The following ALDH3B2 variants were observed in gnomAD, a reference collection of about 807,000 sequenced individuals.
ALDH3B2 encodes aldehyde dehydrogenase family 3 member B2.
Under a neutral mutation model 36.7 loss-of-function variants are expected in ALDH3B2, and 45 were observed. That is an observed-to-expected ratio of 1.23 (90% CI 0.97 to 1.57). The LOEUF is 1.57. Among genes scored for constraint, ALDH3B2 ranks in the 40% most tolerant of loss-of-function variants. ALDH3B2 has a pLI of 0.00. For missense variants in ALDH3B2, 464 were observed against 513.3 expected, an observed-to-expected ratio of 0.90 and a Z score of 0.93; for synonymous variants, 217 against 226.5, an observed-to-expected ratio of 0.96 and a Z score of 0.38.
exon 10 of ALDH3B2, chr11:67,663,070 A>T: frequency 9.8e-7 from 1 of 1,020,072 alleles, no homozygotes; most frequent in Non-Finnish European, 1.4e-6. Context: ...CAGCCCTGGC[A>T]GGCAGGATGC....
chr11:67,675,075 G>T (rs1360150431), upstream of ALDH3B2, among the ~76,000 whole-genome samples: 4 of 152,148 alleles, frequency 2.6e-5, no homozygotes, highest in South Asian at 8.3e-4. Context: ...ATGAGCAACT[G>T]TGGCTCTATT....
chr11:67,668,628 A>ATG lies in ALDH3B2; in HGVS notation c.-244-995_-244-994dup, dbSNP rs973454259. On this transcript the variant is annotated intron_variant, in intron 1 of 9. Transcript: ENST00000349015. ...TATAGCTTTGTGTCTTTGTGTGTCT[A>ATG]TGTGTGTGTGTGTGTATGGCTGTCT... 2.0e-4 allele frequency among the ~76,000 whole-genome samples: 29 copies of ATG among 141,686 alleles called. No homozygotes were observed. In the East Asian group the frequency reaches 2.3e-3, roughly 11 times the overall value. 93.0% of individuals were successfully genotyped at this position (141,686 alleles called of 152,430 possible). A position where few individuals can be genotyped will look rare whatever the true frequency, so the allele number is the denominator to read the frequency against.
chr11:67,663,579 G>A, intron 9 of ALDH3B2, 83 bp downstream of exon 9: 2 of 1,433,144 alleles, frequency 1.4e-6, no homozygotes, highest in Admixed American at 3.9e-5. Flanking sequence ...GTGGATCAAG[G>A]TTGAACAGTG....
At chr11:67,676,442 G>T (rs1856273799), upstream of ALDH3B2, among the ~76,000 whole-genome samples, 1 of 151,908 alleles carries the variant, frequency 6.6e-6, no homozygotes, top group Non-Finnish European at 1.5e-5. Context: ...CAAAACCTCT[G>T]GGATACAGCT....
chr11:67,666,302 A>G lies in ALDH3B2; in HGVS notation c.237+14T>C, dbSNP rs758236388. 178 of 1,609,670 alleles carry G rather than the reference A, an allele frequency of 1.1e-4. No individual in the cohort carries two copies. The highest frequency in any genetic ancestry group is 1.4e-4 in the Non-Finnish European group (164 of 1,177,918). ...TGGGGACGTCGGGCACTGCTGGGGCAGGGCCACCCTCACCTGGTCCAGGTA... is the reference window on the plus strand; with the variant it reads ...TGGGGACGTCGGGCACTGCTGGGGCGGGGCCACCCTCACCTGGTCCAGGTA... On this transcript the variant is annotated intron_variant, in intron 5 of 9. Transcript: ENST00000349015.
chr11:67,678,451 C>T (rs1791758696), upstream of ALDH3B2, among the ~76,000 whole-genome samples: 1 of 152,102 alleles, frequency 6.6e-6, no homozygotes, highest in South Asian at 2.1e-4. Flanking sequence ...TCATCTCTCA[C>T]CTTACACAAA....
chr11:67,679,313 C>CA (rs552302513), upstream of ALDH3B2, among the ~76,000 whole-genome samples: 4 of 151,476 alleles, frequency 2.6e-5, no homozygotes, highest in African/African-American at 9.7e-5. Flanking sequence ...ACTAAAAATA[C>CA]AAAAAAAATT....
chr11:67,666,530 G>A, intron 4 of ALDH3B2, 44 bp downstream of exon 4: 1 of 1,612,258 alleles, frequency 6.2e-7, no homozygotes, highest in Non-Finnish European at 8.5e-7. Context: ...TTTGGGAGGG[G>A]CTACTGGGCG....
Position 67,665,828 on chromosome 11 carries a change from A to C in ALDH3B2, c.320-157T>G, listed in dbSNP as rs113306300. Among the ~76,000 whole-genome samples the C allele has an allele frequency of 0.021, 3,237 of 151,238 alleles. 102 individuals carry two copies. The highest frequency in any genetic ancestry group is 0.069 in the African/African-American group (2,844 of 41,130). On this transcript the variant is annotated intron_variant, in intron 6 of 9. Coordinates refer to ENST00000349015, the Ensembl canonical transcript of ALDH3B2. ...CATCCTCAACTGGCCTTGACCACACACTCCAGGCACCTGACTCTTGCCCGC... is the reference window on the plus strand; with the variant it reads ...CATCCTCAACTGGCCTTGACCACACCCTCCAGGCACCTGACTCTTGCCCGC...
At chr11:67,666,552 G>A in intron 4 of ALDH3B2, 22 bp downstream of exon 4, 10 of 1,613,616 alleles carry the variant, frequency 6.2e-6, no homozygotes, top group Non-Finnish European at 8.5e-6. Context: ...GGAGAGCATG[G>A]GGTTCGGAAC....
At chr11:67,662,247 G>A (rs1021414527) in exon 10 of ALDH3B2, 2 of 152,302 alleles carry the variant, frequency 1.3e-5, no homozygotes, top group Non-Finnish European at 2.9e-5. Context: ...CATACACAGA[G>A]GGCCACAGCC....
At chr11:67,663,555 G>C in intron 9 of ALDH3B2, 107 bp downstream of exon 9, 2 of 1,366,904 alleles carry the variant, frequency 1.5e-6, no homozygotes, top group South Asian at 1.3e-5. Context: ...CTGAGGCCTT[G>C]AGAGGCCCAG....
At chr11:67,663,973 C>A (rs1855825725) in intron 8 of ALDH3B2, among the ~76,000 whole-genome samples, 1 of 152,138 alleles carries the variant, frequency 6.6e-6, no homozygotes, top group Non-Finnish European at 1.5e-5. Flanking sequence ...GCGCAAAGAC[C>A]AGGAAGCCCT....
At chr11:67,665,632 G>A (rs1252022876) in exon 7 of ALDH3B2, 1 of 1,613,250 alleles carries the variant, frequency 6.2e-7, no homozygotes, top group Non-Finnish European at 8.5e-7. Context: ...CAGGTGCTTG[G>A]TGGCAGCAGT....
chr11:67,670,896 ACCTGGGTGGGG>A (rs1856091034), intron 1 of ALDH3B2, among the ~76,000 whole-genome samples: 3 of 152,214 alleles, frequency 2.0e-5, no homozygotes, highest in Non-Finnish European at 1.5e-5. Context: ...TTGGGCTAGA[ACCTGGGTGGGG>A]CCTGGGCCCT....
exon 10 of ALDH3B2, chr11:67,662,974 G>A: frequency 2.2e-5 from 12 of 535,464 alleles, no homozygotes; most frequent in Non-Finnish European, 3.9e-5. Context: ...GGGGAGGGTG[G>A]GGTGAGTGAG....
exon 7 of ALDH3B2, chr11:67,665,599 C>G: frequency 6.2e-7 from 1 of 1,614,070 alleles, no homozygotes; most frequent in African/African-American, 1.3e-5. Flanking sequence ...GTTCTTGCCC[C>G]CCAGCTCCAG....
At chr11:67,662,892 A>G in exon 10 of ALDH3B2, 1 of 351,816 alleles carries the variant, frequency 2.8e-6, no homozygotes, top group Non-Finnish European at 5.2e-6. Context: ...AGGGCACTGT[A>G]TTTTCCAGGG....
upstream of ALDH3B2, among the ~76,000 whole-genome samples, chr11:67,678,474 A>T (rs1856309749): frequency 6.6e-6 from 1 of 152,188 alleles, no homozygotes; most frequent in South Asian, 2.1e-4. Flanking sequence ...TCAACTCAGG[A>T]TGGATTAAGG....
Sources: gnomAD v4.1 joint callset for allele counts (sites outside exome capture counted in the v4.1 genomes callset) on GRCh38, gnomAD v4.1.1 for gene constraint, MANE v1.5 for transcripts, NCBI Gene and HGNC (gene_info 2026-07-23, HGNC 2026-07-21) for gene names.